FAN1: variants seen among roughly 807,000 people sequenced by gnomAD.
FAN1 encodes the protein FANCD2 and FANCI associated nuclease 1.
In FAN1, 91 loss-of-function variants were observed where a neutral mutation model predicts 104.9. That is an observed-to-expected ratio of 0.87 (90% CI 0.73 to 1.03). The LOEUF is 1.03. Among genes scored for constraint, FAN1 ranks in the 50% least tolerant of loss-of-function variants. FAN1 has a pLI of 0.00. For missense variants in FAN1, 1,263 were observed against 1,239.9 expected, an observed-to-expected ratio of 1.02 and a Z score of -0.28; for synonymous variants, 478 against 457.6, an observed-to-expected ratio of 1.04 and a Z score of -0.57.
chr15:30,924,546 T>G (rs561523159), intron 8 of FAN1, among the ~76,000 whole-genome samples: 1 of 152,334 alleles, frequency 6.6e-6, no homozygotes, highest in Non-Finnish European at 1.5e-5. Context: ...GGTATCTCCT[T>G]GTGGCTTTCT....
chr15:30,910,456 G>A (rs1272420360), intron 3 of FAN1, among the ~76,000 whole-genome samples, 158 bp from the exon 4 acceptor site: 2 of 152,042 alleles, frequency 1.3e-5, no homozygotes, highest in South Asian at 2.1e-4. Flanking sequence ...TTATTAATAC[G>A]TTAATAATAC....
intron 13 of FAN1, among the ~76,000 whole-genome samples, chr15:30,933,824 G>A (rs189775116): frequency 6.6e-6 from 1 of 151,898 alleles, no homozygotes; most frequent in East Asian, 1.9e-4. Flanking sequence ...GTGGCAGTGC[G>A]ATCCTGGATC....
rs144494434 is a variant in FAN1, at chr15:30,918,182, C to T, written c.1830C>T (p.His610=). Residue 610 remains histidine (H), a synonymous_variant, in exon 6 of 15, where the codon CAC becomes CAT. Transcript: ENST00000362065. ...DDLIRYAAAT[H]MLSDISSAMA... Reference sequence around the variant, plus strand: ...CCTCCAGATATGCAGCAGCCACGCACATGCTGAGTGACATTTCTTCCGCAA... The same window carrying T: ...CCTCCAGATATGCAGCAGCCACGCATATGCTGAGTGACATTTCTTCCGCAA... 1 of 1,614,004 alleles carries T rather than the reference C, an allele frequency of 6.2e-7. No individual in the cohort carries two copies. The highest frequency in any genetic ancestry group is 8.5e-7 in the Non-Finnish European group (1 of 1,180,006).
chr15:30,941,769 A>G lies in FAN1; in HGVS notation c.*207A>G, dbSNP rs1595903004. The G allele has an allele frequency of 6.2e-7, 1 of 1,613,998 alleles. No homozygotes were observed. The highest frequency in any genetic ancestry group is 8.5e-7 in the Non-Finnish European group (1 of 1,179,880). Reference sequence around the variant, plus strand: ...TCAGCCAGGAGGGAGAGCTTGTGAAAGGCTGTGATGGAGCCACCCAGGCTG... The same window carrying G: ...TCAGCCAGGAGGGAGAGCTTGTGAAGGGCTGTGATGGAGCCACCCAGGCTG... On this transcript the variant is annotated 3_prime_UTR_variant, in exon 15 of 15. Transcript: ENST00000362065.
intron 9 of FAN1, 64 bp downstream of exon 9, chr15:30,925,355 A>G (rs930085328): frequency 1.4e-6 from 2 of 1,444,800 alleles, no homozygotes; most frequent in African/African-American, 2.8e-5. Flanking sequence ...TTGGACCAGA[A>G]GCATCCTAAG....
At chr15:30,925,378 T>C (rs908731573) in intron 9 of FAN1, 87 bp downstream of exon 9, 2 of 1,271,818 alleles carry the variant, frequency 1.6e-6, no homozygotes, top group African/African-American at 1.5e-5. Context: ...CTGTTTTGAG[T>C]GTGTGTTTTC....
chr15:30,928,435 C>T, intron 10 of FAN1, 118 bp from the exon 11 acceptor site: 1 of 1,506,852 alleles, frequency 6.6e-7, no homozygotes, highest in Non-Finnish European at 8.8e-7. Context: ...TAAAATATTT[C>T]TATTATTTTC....
intron 5 of FAN1, among the ~76,000 whole-genome samples, chr15:30,916,753 G>A (rs962893083): frequency 2.0e-5 from 3 of 152,186 alleles, no homozygotes; most frequent in Non-Finnish European, 4.4e-5. Flanking sequence ...TTGTAGCAGT[G>A]AACAAGAGAG....
At chr15:30,940,929 G>C (rs1255890909) in intron 14 of FAN1, 1 of 1,053,610 alleles carries the variant, frequency 9.5e-7, no homozygotes, top group African/African-American at 1.7e-5. Flanking sequence ...TCAAAACACA[G>C]TGATCTAAGG....
chr15:30,941,802 C>T lies in FAN1; in HGVS notation c.*240C>T. On this transcript the variant is annotated 3_prime_UTR_variant, in exon 15 of 15. Coordinates refer to ENST00000362065, the MANE Select transcript of FAN1 (RefSeq NM_014967.5). ...ATGGAGCCACCCAGGCTGATCTGGG[C>T]CTCGGGAACCCAGCGGAAGTAGCAC... 6.2e-7 allele frequency: 1 copy of T among 1,614,038 alleles called. No individual in the cohort carries two copies. Among genetic ancestry groups the T allele is most frequent in the Non-Finnish European group, 8.5e-7 (1 of 1,179,908 alleles).
At chr15:30,941,338 A>C (rs1422685628) in intron 14 of FAN1, 1 of 1,534,168 alleles carries the variant, frequency 6.5e-7, no homozygotes, top group Non-Finnish European at 8.7e-7. Context: ...CATGTTTTTA[A>C]ATATTAGTGC....
At chr15:30,929,121 G>A (rs1464114836) in intron 11 of FAN1, 82 bp from the exon 12 acceptor site, 2 of 1,253,954 alleles carry the variant, frequency 1.6e-6, no homozygotes, top group African/African-American at 1.6e-5. Context: ...CGGTTTCCAA[G>A]TTTTGTATGT....
chr15:30,906,898 A>T (rs1258586343), intron 2 of FAN1, among the ~76,000 whole-genome samples: 2 of 152,074 alleles, frequency 1.3e-5, no homozygotes, highest in African/African-American at 4.8e-5. Flanking sequence ...TTGGGTGCTG[A>T]TTGCATTCCT....
At chr15:30,915,956 A>C (rs890757093) in intron 5 of FAN1, among the ~76,000 whole-genome samples, 3 of 152,178 alleles carry the variant, frequency 2.0e-5, no homozygotes, top group African/African-American at 7.2e-5. Context: ...TGCTTTTAGG[A>C]AAGTCCTGTG....
At chr15:30,926,692 G>A in intron 10 of FAN1, 1 of 985,402 alleles carries the variant, frequency 1.0e-6, no homozygotes, top group Middle Eastern at 5.2e-4. Flanking sequence ...AGAAATAGAA[G>A]AATAGAATGC....
intron 10 of FAN1, chr15:30,928,035 C>G: frequency 4.0e-6 from 4 of 990,356 alleles, no homozygotes; most frequent in Non-Finnish European, 4.8e-6. Context: ...GTGTAGTACC[C>G]AGGGGGATGA....
chr15:30,904,447 A>C (rs1254962953), intron 1 of FAN1, 65 bp from the exon 2 acceptor site: 2 of 640,176 alleles, frequency 3.1e-6, no homozygotes, highest in Non-Finnish European at 5.5e-6. Context: ...AACGTTTCAG[A>C]GTTCGCTTTT....
chr15:30,929,646 A>G (rs1182672710), intron 12 of FAN1, among the ~76,000 whole-genome samples: 1 of 116,004 alleles, frequency 8.6e-6, no homozygotes, highest in Non-Finnish European at 1.6e-5. Context: ...AATATACAAT[A>G]TATAATATAA....
rs1378323519 is a variant in FAN1 at position 30,941,880 on chromosome 15, G to A, written c.*318G>A. Reference sequence around the variant, plus strand: ...GAGACACGTGGCAGAATAACACCGTGCAGGTTGGCGGGTTTGGAAAACCAT... The same window carrying A: ...GAGACACGTGGCAGAATAACACCGTACAGGTTGGCGGGTTTGGAAAACCAT... On this transcript the variant is annotated 3_prime_UTR_variant, in exon 15 of 15. Coordinates refer to ENST00000362065, the MANE Select transcript of FAN1 (RefSeq NM_014967.5). 6.2e-7 allele frequency: 1 copy of A among 1,614,076 alleles called. No homozygotes were observed. The highest frequency in any genetic ancestry group is 8.5e-7 in the Non-Finnish European group (1 of 1,179,912).
Sources: allele counts gnomAD v4.1 joint callset (sites outside exome capture counted in the v4.1 genomes callset), GRCh38; gene constraint gnomAD v4.1.1; transcripts MANE v1.5; gene names NCBI Gene and HGNC (gene_info 2026-07-23, HGNC 2026-07-21).